Variants in PABPC4 observed in about 807,000 individuals in gnomAD.
The protein encoded by PABPC4 is polyadenylate-binding protein 4.
Under a neutral mutation model 74.5 loss-of-function variants are expected in PABPC4, and 15 were observed. The ratio of observed to expected loss-of-function variants is 0.20; its 90% CI spans 0.13 to 0.31. The LOEUF is 0.31. PABPC4 is among the 10% of genes least tolerant of loss of function. PABPC4 has a pLI of 1.00. For missense variants in PABPC4, 610 were observed against 853.5 expected (o/e 0.71, Z 3.55); for synonymous variants, 345 against 303.0 (o/e 1.14, Z -1.44).
chr1:39,569,967 T>G lies in PABPC4; in HGVS notation c.539A>C (p.Glu180Ala), dbSNP rs767770629. Reference protein sequence around the residue: ...VGRFKSRKEREAELGAKAKEF... With the variant: ...VGRFKSRKERAAELGAKAKEF... Reference sequence around the variant, plus strand: ...CTTGGCTTTGGCTCCAAGCTCAGCTTCCCGCTCTTTGCGAGACTTGAATCT... The same window carrying G: ...CTTGGCTTTGGCTCCAAGCTCAGCTGCCCGCTCTTTGCGAGACTTGAATCT... The change falls in exon 4 of 16, where the codon GAA becomes GCA. Residue 180 changes from glutamate (E) to alanine (A), a missense_variant. Transcript: ENST00000372858. The G allele has an allele frequency of 3.1e-6, 5 of 1,614,094 alleles. No homozygotes were observed. In the South Asian group the frequency reaches 5.5e-5, roughly 18 times the overall value.
intron 6 of PABPC4, 100 bp from the exon 7 acceptor site, chr1:39,567,946 C>G: frequency 1.5e-6 from 1 of 659,352 alleles, no homozygotes; most frequent in Non-Finnish European, 2.7e-6. Context: ...GCACCAGCAT[C>G]TTTGGGAACT....
At chr1:39,568,474 C>A in intron 6 of PABPC4, 1 of 228,962 alleles carries the variant, frequency 4.4e-6, no homozygotes, top group Non-Finnish European at 8.3e-6. Flanking sequence ...TTCTGGTGAC[C>A]ACTCACCCAC....
chr1:39,567,567 A>G, intron 7 of PABPC4, 184 bp downstream of exon 7: 1 of 697,498 alleles, frequency 1.4e-6, no homozygotes, highest in South Asian at 1.4e-5. Context: ...TGCTTGGGAA[A>G]CAGTGTAATG....
At chr1:39,564,068 C>G in intron 10 of PABPC4, 146 bp from the exon 11 acceptor site, 1 of 677,398 alleles carries the variant, frequency 1.5e-6, no homozygotes, top group Non-Finnish European at 2.6e-6. Flanking sequence ...CAAAGGATAA[C>G]ATACAACTCT....
chr1:39,574,611 C>T (rs1401723764), intron 1 of PABPC4, among the ~76,000 whole-genome samples: 1 of 152,260 alleles, frequency 6.6e-6, no homozygotes, highest in East Asian at 1.9e-4. Context: ...TTGGAGCACA[C>T]TGGATTGACA....
intron 7 of PABPC4, among the ~76,000 whole-genome samples, chr1:39,566,983 C>A (rs1313233317): frequency 6.8e-6 from 1 of 146,626 alleles, no homozygotes; most frequent in Non-Finnish European, 1.5e-5. Context: ...CCCTTACCAG[C>A]CCACGTGGCT....
intron 3 of PABPC4, among the ~76,000 whole-genome samples, chr1:39,570,790 G>A (rs1387882443): frequency 2.0e-5 from 3 of 152,208 alleles, no homozygotes; most frequent in Non-Finnish European, 2.9e-5. Context: ...ATGGAGAACC[G>A]CGGGGACAAT....
intron 12 of PABPC4, chr1:39,563,368 C>T: frequency 2.1e-6 from 1 of 478,084 alleles, no homozygotes; most frequent in Non-Finnish European, 3.7e-6. Flanking sequence ...TTCGTACAAA[C>T]AGAAGAGGAA....
At chr1:39,571,385 G>A in intron 2 of PABPC4, 36 bp from the exon 3 acceptor site, 2 of 1,611,928 alleles carry the variant, frequency 1.2e-6, no homozygotes, top group East Asian at 4.5e-5. Flanking sequence ...TAGCAGAACT[G>A]GCCAGCTCCT....
chr1:39,571,643 C>T (rs1407784640), intron 2 of PABPC4: 1 of 518,840 alleles, frequency 1.9e-6, no homozygotes. Context: ...AATCCCAATG[C>T]TTTGGGAGGC....
chr1:39,566,441 C>G (rs550131515), intron 7 of PABPC4, among the ~76,000 whole-genome samples: 13 of 152,174 alleles, frequency 8.5e-5, no homozygotes, highest in Non-Finnish European at 1.8e-4. Flanking sequence ...AGAAATACTC[C>G]AAACAGCTAC....
intron 7 of PABPC4, among the ~76,000 whole-genome samples, chr1:39,566,060 T>C (rs1284120452): frequency 6.6e-6 from 1 of 152,180 alleles, no homozygotes; most frequent in Non-Finnish European, 1.5e-5. Context: ...CTAAGGTATC[T>C]AGGTGTTTTC....
In PABPC4 at chr1:39,567,341, A is replaced by G. The variant is rs771362023; in HGVS notation, c.972+410T>C. 2.0e-5 allele frequency: 10 copies of G among 512,732 alleles called. 1 individual carries two copies. Among genetic ancestry groups the G allele is most frequent in the Admixed American group, 7.9e-5 (4 of 50,824 alleles). The allele number at this position is 512,732 out of a possible 1,614,324, so 31.8% of individuals were successfully genotyped here. On this transcript the variant is annotated intron_variant, in intron 7 of 15. Transcript: ENST00000372858. ...GGTAGAAGTTCCCAAGCCCACCTCC[A>G]AAATCTTCAAAATACCTTCATTCTC...
At chr1:39,562,567 A>G in intron 12 of PABPC4, 151 bp from the exon 13 acceptor site, 1 of 607,952 alleles carries the variant, frequency 1.6e-6, no homozygotes, top group South Asian at 2.1e-5. Flanking sequence ...TCAGTCCTTG[A>G]AGGATTGAGG....
At position 39,560,963 on chromosome 1, in the gene PABPC4, A is replaced by G. The variant is rs533270267; in HGVS notation, c.*173T>C. 4 of 327,464 alleles carry G rather than the reference A, an allele frequency of 1.2e-5. No individual in the cohort carries two copies. The highest frequency in any genetic ancestry group is 3.7e-5 in the Admixed American group (1 of 26,728). 20.3% of individuals were successfully genotyped at this position (327,464 alleles called of 1,614,324 possible). ...AGCAGAACCCAAAGAACATATTCGTATAATTGAAAAATTCTAGGTGCTTCA... is the reference window on the plus strand; with the variant it reads ...AGCAGAACCCAAAGAACATATTCGTGTAATTGAAAAATTCTAGGTGCTTCA... On this transcript the variant is annotated 3_prime_UTR_variant, in exon 16 of 16. Transcript: ENST00000372858.
At chr1:39,574,807 T>A (rs1019902594) in intron 1 of PABPC4, among the ~76,000 whole-genome samples, 1 of 152,244 alleles carries the variant, frequency 6.6e-6, no homozygotes, top group African/African-American at 2.4e-5. Flanking sequence ...TCCCTTTTAA[T>A]CTGGAGTCAC....
intron 2 of PABPC4, among the ~76,000 whole-genome samples, chr1:39,571,856 G>A (rs1645946000): frequency 6.6e-6 from 1 of 152,206 alleles, no homozygotes; most frequent in South Asian, 2.1e-4. Context: ...CTGGGTGACA[G>A]ACAGAGCAAG....
intron 4 of PABPC4, 48 bp downstream of exon 4, chr1:39,569,815 C>T (rs777148202): frequency 6.2e-7 from 1 of 1,603,180 alleles, no homozygotes; most frequent in African/African-American, 1.3e-5. Context: ...TAAGAAAAAA[C>T]AGATGGGTCT....
chr1:39,576,738 A>G lies in PABPC4; in HGVS notation c.-787T>C, dbSNP rs1371229638. 1 of 147,546 alleles carries G rather than the reference A, an allele frequency of 6.8e-6. No individual in the cohort carries two copies. Among genetic ancestry groups the G allele is most frequent in the Non-Finnish European group, 1.5e-5 (1 of 66,858 alleles). 9.1% of individuals were successfully genotyped at this position (147,546 alleles called of 1,614,324 possible). Reference sequence around the variant, plus strand: ...TTTATCTTTTTCTCTTTTTTTCCTCAGGCTGCGAAGCCCGAAAGCGGCGGA... The same window carrying G: ...TTTATCTTTTTCTCTTTTTTTCCTCGGGCTGCGAAGCCCGAAAGCGGCGGA... On this transcript the variant is annotated 5_prime_UTR_variant, in exon 1 of 16. Transcript: ENST00000372858.
Sources: gnomAD v4.1 joint callset for allele counts (sites outside exome capture counted in the v4.1 genomes callset) on GRCh38, gnomAD v4.1.1 for gene constraint, MANE v1.5 for transcripts, NCBI Gene and HGNC (gene_info 2026-07-23, HGNC 2026-07-21) for gene names.